DMXL1: variants seen among roughly 807,000 people sequenced by gnomAD.
DMXL1 encodes the protein Dmx like 1, also known as dmX-like protein 1.
A neutral mutation model predicts 319.2 loss-of-function variants in DMXL1; 99 were observed. The observed-to-expected ratio is 0.31, with a 90% CI of 0.26 to 0.37. The LOEUF is 0.37. Among genes scored for constraint, DMXL1 ranks in the 10% least tolerant of loss-of-function variants. The pLI is 1.00. For synonymous variants in DMXL1, 1,385 were observed against 1,235.2 expected, an observed-to-expected ratio of 1.12 and a Z score of -2.54; for missense variants, 3,745 against 3,595.6, an observed-to-expected ratio of 1.04 and a Z score of -1.06.
chr5:119,071,480 C>T lies in DMXL1; in HGVS notation c.-90C>T. On this transcript the variant is annotated 5_prime_UTR_variant, in exon 1 of 44. Coordinates refer to ENST00000539542, the MANE Select transcript of DMXL1 (RefSeq NM_001290321.3). ...TCTGCCGTCGCCACCGAAGAGCGGC[C>T]GCCGCCCCTGAGGGAAGGAGGGAGG... 4.5e-6 allele frequency: 6 copies of T among 1,326,376 alleles called. No individual in the cohort carries two copies. The South Asian group carries it at 7.5e-5, about 17-fold the overall frequency. 82.2% of individuals were successfully genotyped at this position (1,326,376 alleles called of 1,614,324 possible). A position where few individuals can be genotyped will look rare whatever the true frequency, so the allele number is the denominator to read the frequency against.
In DMXL1 at chr5:119,137,043, G is replaced by A. The variant is rs1362388050; in HGVS notation, c.2376+2654G>A. Among the ~76,000 whole-genome samples, 3 of 152,242 alleles carry A rather than the reference G, an allele frequency of 2.0e-5. No homozygotes were observed. The East Asian group carries it at 5.8e-4, about 29-fold the overall frequency. ...CACCATGTGCCTGGAAAAGCCATAAGCACTCAACACTAGCCTGTGAAAGCA... is the reference window on the plus strand; with the variant it reads ...CACCATGTGCCTGGAAAAGCCATAAACACTCAACACTAGCCTGTGAAAGCA... On this transcript the variant is annotated intron_variant, in intron 13 of 43. Coordinates refer to ENST00000539542, the MANE Select transcript of DMXL1 (RefSeq NM_001290321.3).
intron 18 of DMXL1, among the ~76,000 whole-genome samples, chr5:119,151,455 C>G (rs1014910508): frequency 3.3e-5 from 5 of 152,028 alleles, no homozygotes; most frequent in Non-Finnish European, 5.9e-5. Flanking sequence ...CTAGTAGATA[C>G]TATTTTTGAT....
chr5:119,078,066 C>T (rs747427910), intron 1 of DMXL1, among the ~76,000 whole-genome samples: 10 of 151,644 alleles, frequency 6.6e-5, no homozygotes, highest in Admixed American at 2.6e-4. Context: ...ATCAGGTAGA[C>T]GGATTATTTT....
At chr5:119,143,500 A>G (rs749904894) in intron 13 of DMXL1, among the ~76,000 whole-genome samples, 1 of 152,034 alleles carries the variant, frequency 6.6e-6, no homozygotes, top group Non-Finnish European at 1.5e-5. Flanking sequence ...CTTTAGCTCT[A>G]TCCTTCCTAT....
In DMXL1 at chr5:119,244,594, CACA is replaced by C. The variant is rs768436021; in HGVS notation, c.8922+22_8922+24del. 9 of 1,576,856 alleles carry C rather than the reference CACA, an allele frequency of 5.7e-6. No individual in the cohort carries two copies. Among genetic ancestry groups the C allele is most frequent in the Non-Finnish European group, 7.8e-6 (9 of 1,147,202 alleles). On this transcript the variant is annotated intron_variant, in intron 43 of 43. Coordinates refer to ENST00000539542, the MANE Select transcript of DMXL1 (RefSeq NM_001290321.3). ...ATATAAAGGTAAACACAGTTGATGC[CACA>C]ACATCTACAAAATGAAATCTTCAGA...
At chr5:119,107,012 A>G (rs1278895049) in intron 4 of DMXL1, among the ~76,000 whole-genome samples, 1 of 152,160 alleles carries the variant, frequency 6.6e-6, no homozygotes, top group East Asian at 1.9e-4. Flanking sequence ...TCATAAAGCA[A>G]TATATAGACA....
chr5:119,143,112 A>G (rs1233031810), intron 13 of DMXL1, among the ~76,000 whole-genome samples: 1 of 152,026 alleles, frequency 6.6e-6, no homozygotes, highest in African/African-American at 2.4e-5. Context: ...GACCAGAAAA[A>G]ATAACTCTCG....
chr5:119,206,959 G>T (rs1781854821), intron 34 of DMXL1, 63 bp downstream of exon 34: 1 of 1,008,606 alleles, frequency 9.9e-7, no homozygotes, highest in East Asian at 2.7e-5. Flanking sequence ...CAAAGCATTT[G>T]CATTTTACTT....
chr5:119,140,197 T>A (rs990743564), intron 13 of DMXL1, among the ~76,000 whole-genome samples: 1 of 151,912 alleles, frequency 6.6e-6, no homozygotes, highest in Non-Finnish European at 1.5e-5. Context: ...TAACCTAACA[T>A]CACTACTGAA....
At position 119,245,609 on chromosome 5, in the gene DMXL1, G is replaced by A. The variant is rs373053425; in HGVS notation, c.8922+1033G>A. On this transcript the variant is annotated intron_variant, in intron 43 of 43. Coordinates refer to ENST00000539542, the MANE Select transcript of DMXL1 (RefSeq NM_001290321.3). The stretch of plus-strand genomic sequence containing the variant: ...GGCTGGAGCACAGTGGCACGATCTC[G>A]GCTCACTGCAACCTCCACCTCCCGG... 2.0e-5 allele frequency among the ~76,000 whole-genome samples: 3 copies of A among 148,840 alleles called. No individual in the cohort carries two copies. The South Asian group carries it at 6.4e-4, about 32-fold the overall frequency.
intron 1 of DMXL1, among the ~76,000 whole-genome samples, chr5:119,084,044 T>C (rs184397790): frequency 9.5e-4 from 144 of 152,344 alleles, no homozygotes; most frequent in Non-Finnish European, 1.4e-3. Context: ...TGATTTGTGA[T>C]GTTGAACATT....
At chr5:119,244,036 G>A (rs537510765) in intron 42 of DMXL1, among the ~76,000 whole-genome samples, 1 of 152,306 alleles carries the variant, frequency 6.6e-6, no homozygotes, top group African/African-American at 2.4e-5. Flanking sequence ...CCGCTACTGA[G>A]TCAAATGCTT....
chr5:119,161,555 C>G (rs1364515946), intron 19 of DMXL1, among the ~76,000 whole-genome samples: 2 of 152,228 alleles, frequency 1.3e-5, no homozygotes, highest in African/African-American at 4.8e-5. Flanking sequence ...CCTGTTTGGC[C>G]TCCCAGGTTG....
chr5:119,240,534 T>C (rs771070655), intron 42 of DMXL1, 63 bp downstream of exon 42: 3 of 1,159,312 alleles, frequency 2.6e-6, no homozygotes, highest in Non-Finnish European at 3.8e-6. Flanking sequence ...AAATATTATT[T>C]ATAAGTGGAT....
At chr5:119,175,141 T>C (rs1410997329) in intron 25 of DMXL1, 120 bp from the exon 26 acceptor site, 1 of 604,300 alleles carries the variant, frequency 1.7e-6, no homozygotes, top group East Asian at 3.1e-5. Context: ...AAATAGTTCA[T>C]GAAGGCAAAG....
At chr5:119,135,845 G>A (rs1013123100) in intron 13 of DMXL1, among the ~76,000 whole-genome samples, 2 of 152,174 alleles carry the variant, frequency 1.3e-5, no homozygotes, top group African/African-American at 4.8e-5. Context: ...CCAGTCTCAG[G>A]TATTTCTTCA....
chr5:119,191,773 C>CA (rs1261993315), intron 29 of DMXL1, among the ~76,000 whole-genome samples: 1 of 152,224 alleles, frequency 6.6e-6, no homozygotes, highest in Non-Finnish European at 1.5e-5. Context: ...CATCAGAACT[C>CA]AGTCTTCACA....
intron 10 of DMXL1, among the ~76,000 whole-genome samples, chr5:119,129,644 G>T (rs199815327): frequency 6.6e-6 from 1 of 152,104 alleles, no homozygotes; most frequent in Non-Finnish European, 1.5e-5. Flanking sequence ...TTCTGGTTTT[G>T]TTAGCCCTTA....
chr5:119,124,588 A>G (rs1763081129), intron 9 of DMXL1, among the ~76,000 whole-genome samples: 1 of 127,498 alleles, frequency 7.8e-6, no homozygotes, highest in Admixed American at 8.5e-5. Context: ...TTTTTTTGAG[A>G]CAGAGTCTTG....
Sources: allele counts gnomAD v4.1 joint callset (sites outside exome capture counted in the v4.1 genomes callset), GRCh38; gene constraint gnomAD v4.1.1; transcripts MANE v1.5; gene names NCBI Gene and HGNC (gene_info 2026-07-23, HGNC 2026-07-21).